PREX1: variants seen among roughly 807,000 people sequenced by gnomAD.
PREX1 encodes the protein phosphatidylinositol 3,4,5-trisphosphate-dependent Rac exchanger 1 protein.
PREX1 carries 41 observed loss-of-function variants against 198.3 expected under a neutral mutation model. The ratio of observed to expected loss-of-function variants is 0.21; its 90% confidence interval spans 0.16 to 0.27. PREX1 has a LOEUF of 0.27. Ranked by LOEUF, PREX1 falls within the 10% of genes least tolerant of loss-of-function variation. The pLI is 1.00. For synonymous variants in PREX1, 843 were observed against 887.2 expected (o/e 0.95, Z 0.89); for missense variants, 1,620 against 2,200.7 (o/e 0.74, Z 5.28).
chr20:48,825,917 CTTA>C (rs1600538677), intron 1 of PREX1, among the ~76,000 whole-genome samples: 1 of 143,202 alleles, frequency 7.0e-6, no homozygotes, highest in East Asian at 2.2e-4. Flanking sequence ...CCAATCCTGC[CTTA>C]TTCTTACAGG....
intron 37 of PREX1, 76 bp downstream of exon 37, chr20:48,629,373 T>C (rs902859093): frequency 2.1e-5 from 32 of 1,544,068 alleles, no homozygotes; most frequent in Admixed American, 7.4e-5. Flanking sequence ...TCCTGCCTCC[T>C]TGCCACAGGA....
the PREX1 span, among the ~76,000 whole-genome samples, chr20:48,866,628 A>G: frequency 6.6e-6 from 1 of 152,200 alleles, no homozygotes; most frequent in African/African-American, 2.4e-5. Context: ...GAGAACAGCA[A>G]GAATTAAGAA....
intron 1 of PREX1, among the ~76,000 whole-genome samples, chr20:48,766,419 AC>A (rs1175491711): frequency 3.3e-5 from 5 of 151,932 alleles, no homozygotes; most frequent in Admixed American, 3.3e-4. Flanking sequence ...TTCTCTGAGA[AC>A]CCCATCCAGA....
At chr20:48,668,025 C>T (rs1341788703) in intron 14 of PREX1, among the ~76,000 whole-genome samples, 2 of 152,248 alleles carry the variant, frequency 1.3e-5, no homozygotes, top group African/African-American at 2.4e-5. Context: ...CCCTGGCTTT[C>T]TGAGTGCCCC....
At chr20:48,770,574 G>A (rs977113017) in intron 1 of PREX1, among the ~76,000 whole-genome samples, 3 of 152,198 alleles carry the variant, frequency 2.0e-5, no homozygotes, top group African/African-American at 4.8e-5. Context: ...GCCAGACATG[G>A]TGGTGCATGC....
At chr20:48,817,579 C>T (rs932730275) in intron 1 of PREX1, among the ~76,000 whole-genome samples, 8 of 149,608 alleles carry the variant, frequency 5.3e-5, no homozygotes, top group Admixed American at 2.0e-4. Context: ...GCTGCTGAGG[C>T]GCAGAGATAA....
intron 1 of PREX1, among the ~76,000 whole-genome samples, chr20:48,775,471 T>C (rs561630579): frequency 1.3e-5 from 2 of 152,086 alleles, no homozygotes; most frequent in Non-Finnish European, 2.9e-5. Flanking sequence ...AGCAGGGGCC[T>C]GCTTGGTGCA....
intron 1 of PREX1, among the ~76,000 whole-genome samples, chr20:48,804,727 C>T (rs1052101877): frequency 2.0e-5 from 3 of 152,180 alleles, no homozygotes; most frequent in African/African-American, 7.2e-5. Flanking sequence ...GGCTGAGACC[C>T]GGGGCTACCC....
chr20:48,765,296 CAAAT>C (rs2090203467), intron 1 of PREX1, among the ~76,000 whole-genome samples: 1 of 152,160 alleles, frequency 6.6e-6, no homozygotes. Context: ...TATCTACAAA[CAAAT>C]ATTCATTAAG....
At chr20:48,696,799 C>T (rs1024883289) in intron 7 of PREX1, among the ~76,000 whole-genome samples, 5 of 152,054 alleles carry the variant, frequency 3.3e-5, no homozygotes, top group South Asian at 2.1e-4. Context: ...ATTCTGGCTT[C>T]GGCTCCTGGG....
At chr20:48,709,563 G>A (rs1346168281) in intron 5 of PREX1, among the ~76,000 whole-genome samples, 2 of 152,192 alleles carry the variant, frequency 1.3e-5, no homozygotes, top group Non-Finnish European at 2.9e-5. Flanking sequence ...CGGTTTTAAG[G>A]TGGCTTCTGT....
At chr20:48,722,448 TGGA>T (rs1247661129) in intron 5 of PREX1, among the ~76,000 whole-genome samples, 6 of 152,128 alleles carry the variant, frequency 3.9e-5, no homozygotes, top group African/African-American at 1.4e-4. Context: ...CGGCAGGGGC[TGGA>T]GGAGGGGAGG....
At chr20:48,650,278 C>T in intron 23 of PREX1, 72 bp from the exon 24 acceptor site, 1 of 1,436,934 alleles carries the variant, frequency 7.0e-7, no homozygotes, top group South Asian at 1.2e-5. Flanking sequence ...TACCCAGTAC[C>T]CACTTTATCC....
intron 1 of PREX1, among the ~76,000 whole-genome samples, chr20:48,755,548 C>T (rs1383301660): frequency 6.6e-6 from 1 of 152,162 alleles, no homozygotes; most frequent in Non-Finnish European, 1.5e-5. Flanking sequence ...CTGCTATTCC[C>T]TTTTCCTACT....
At chr20:48,658,326 C>A in intron 16 of PREX1, 98 bp from the exon 17 acceptor site, 2 of 1,239,570 alleles carry the variant, frequency 1.6e-6, no homozygotes, top group Non-Finnish European at 1.1e-6. Context: ...CGTCCCAGGT[C>A]TAGTAGGGAA....
chr20:48,677,344 T>G (rs900083434), intron 13 of PREX1, among the ~76,000 whole-genome samples: 1 of 151,604 alleles, frequency 6.6e-6, no homozygotes, highest in Non-Finnish European at 1.5e-5. Flanking sequence ...GTCCTTCCTC[T>G]CCACTCTTCC....
At chr20:48,686,329 C>CA (rs1228440926) in intron 10 of PREX1, among the ~76,000 whole-genome samples, 1 of 152,186 alleles carries the variant, frequency 6.6e-6, no homozygotes, top group African/African-American at 2.4e-5. Flanking sequence ...GTGTGCAGAG[C>CA]AAAGCCGTGC....
At chr20:48,696,207 T>C (rs1028638954) in intron 7 of PREX1, among the ~76,000 whole-genome samples, 1 of 152,272 alleles carries the variant, frequency 6.6e-6, no homozygotes, top group Non-Finnish European at 1.5e-5. Flanking sequence ...CCATGCTTTC[T>C]TGTAGAAGTG....
chr20:48,657,097 T>C lies in PREX1; in HGVS notation c.2066A>G (p.Asn689Ser). The C allele has an allele frequency of 6.2e-7, 1 of 1,610,732 alleles. No homozygotes were observed. Among genetic ancestry groups the C allele is most frequent in the South Asian group, 1.1e-5 (1 of 90,318 alleles). Reference protein sequence around the residue: ...RPFSEVESILNQSFCSRRPLR... With the variant: ...RPFSEVESILSQSFCSRRPLR... ...AGGGCGGCGGGAGCAGAAGGACTGG[T>C]TGAGGATGGACTCCACCTCTGAAAA... The change falls in exon 18 of 40, where the codon AAC becomes AGC. Residue 689 changes from asparagine to serine, a missense_variant. By Grantham distance (46) the Asn-to-Ser change is conservative. This residue lies in a region of PREX1 where 514 missense variants were observed against 611.6 expected (regional missense o/e 0.84). Transcript: ENST00000371941.
Sources: allele counts gnomAD v4.1 joint callset (sites outside exome capture counted in the v4.1 genomes callset), GRCh38; gene constraint gnomAD v4.1.1; regional missense constraint gnomAD v4.1.1; transcripts MANE v1.5; gene names NCBI Gene and HGNC (gene_info 2026-07-23, HGNC 2026-07-21).